The following PCDH15 variants were observed in gnomAD, a reference collection of about 807,000 sequenced individuals.
PCDH15 encodes the protein protocadherin-15.
PCDH15 carries 129 observed loss-of-function variants against 178.5 expected under a neutral mutation model. The observed-to-expected ratio is 0.72, with a 90% CI of 0.63 to 0.84. The LOEUF is 0.84. Among genes scored for constraint, PCDH15 ranks in the 40% least tolerant of loss-of-function variants. The pLI is 0.00. For synonymous variants in PCDH15, 800 were observed against 732.0 expected (o/e 1.09, Z -1.50); for missense variants, 2,230 against 2,099.9 (o/e 1.06, Z -1.21).
chr10:53,949,214 T>C (rs911969963), intron 23 of PCDH15, among the ~76,000 whole-genome samples: 2 of 152,172 alleles, frequency 1.3e-5, no homozygotes, highest in African/African-American at 4.8e-5. Context: ...CAGAATCATT[T>C]TGTCAATAGT....
chr10:54,074,884 T>C (rs1447706951), intron 17 of PCDH15, among the ~76,000 whole-genome samples: 1 of 152,150 alleles, frequency 6.6e-6, no homozygotes, highest in African/African-American at 2.4e-5. Flanking sequence ...TTGTTTTGTT[T>C]TCTGTTTGTT....
chr10:53,878,181 G>GCA (rs71004486), intron 26 of PCDH15, among the ~76,000 whole-genome samples: 6,482 of 124,814 alleles, frequency 0.052, 326 homozygotes, highest in African/African-American at 0.12. Context: ...CTATACTATG[G>GCA]CACACACACA....
intron 1 of PCDH15, among the ~76,000 whole-genome samples, chr10:54,724,560 TA>T (rs566567722): frequency 6.6e-6 from 1 of 151,546 alleles, no homozygotes; most frequent in South Asian, 2.1e-4. Context: ...AAATTAATAT[TA>T]GCTGTAGAGA....
intron 2 of PCDH15, among the ~76,000 whole-genome samples, chr10:55,429,648 G>T (rs1050395864): frequency 4.6e-5 from 7 of 152,116 alleles, no homozygotes; most frequent in African/African-American, 1.7e-4. Flanking sequence ...GCCTTTTACT[G>T]ATCAGAAGAA....
intron 8 of PCDH15, among the ~76,000 whole-genome samples, chr10:54,239,945 A>G (rs758871517): frequency 3.9e-5 from 6 of 152,148 alleles, no homozygotes; most frequent in Non-Finnish European, 8.8e-5. Context: ...TTATTAATAC[A>G]TGACATTAAA....
At chr10:54,164,311 C>T (rs1180247649) in intron 13 of PCDH15, among the ~76,000 whole-genome samples, 1 of 152,168 alleles carries the variant, frequency 6.6e-6, no homozygotes, top group Admixed American at 6.5e-5. Flanking sequence ...TGCCTCAGCT[C>T]TATCGTGTGA....
chr10:55,608,663 C>A (rs1231636210), intron 2 of PCDH15, among the ~76,000 whole-genome samples: 1 of 151,902 alleles, frequency 6.6e-6, no homozygotes, highest in African/African-American at 2.4e-5. Context: ...AGACTTTAAT[C>A]AGGTGCTGCA....
At chr10:53,969,415 C>T (rs1297544772) in intron 21 of PCDH15, among the ~76,000 whole-genome samples, 2 of 152,206 alleles carry the variant, frequency 1.3e-5, no homozygotes, top group Non-Finnish European at 2.9e-5. Context: ...GAGAATGGAA[C>T]CAAGTTGGAA....
chr10:54,675,316 T>G (rs535998132), intron 1 of PCDH15, among the ~76,000 whole-genome samples: 3 of 152,076 alleles, frequency 2.0e-5, no homozygotes, highest in African/African-American at 7.2e-5. Flanking sequence ...ATGGGGATTA[T>G]TTTAGGAATA....
intron 2 of PCDH15, among the ~76,000 whole-genome samples, chr10:55,597,519 C>A (rs1427578311): frequency 6.6e-6 from 1 of 152,092 alleles, no homozygotes; most frequent in Non-Finnish European, 1.5e-5. Context: ...TAAAAAATCC[C>A]AATATTCTCC....
At chr10:55,488,129 T>C (rs1213456198) in intron 2 of PCDH15, among the ~76,000 whole-genome samples, 1 of 151,588 alleles carries the variant, frequency 6.6e-6, no homozygotes, top group East Asian at 1.9e-4. Context: ...TACATTGTAA[T>C]TTTCTCCAAC....
At chr10:54,408,457 C>T (rs1196472165) in intron 3 of PCDH15, among the ~76,000 whole-genome samples, 5 of 151,408 alleles carry the variant, frequency 3.3e-5, no homozygotes, top group African/African-American at 1.2e-4. Context: ...TAATATTTAT[C>T]AGTCCAAAGT....
intron 2 of PCDH15, among the ~76,000 whole-genome samples, chr10:55,066,650 G>C (rs1316144414): frequency 1.4e-5 from 2 of 142,744 alleles, no homozygotes; most frequent in East Asian, 4.2e-4. Flanking sequence ...TTGAGTATTT[G>C]AGTTATGTTT....
intron 2 of PCDH15, among the ~76,000 whole-genome samples, chr10:54,642,651 G>A (rs1325124153): frequency 1.3e-5 from 2 of 152,112 alleles, no homozygotes; most frequent in Non-Finnish European, 2.9e-5. Context: ...TCTTACTAAA[G>A]ACATTATGAC....
intron 24 of PCDH15, 90 bp downstream of exon 24, chr10:53,940,776 G>C: frequency 1.1e-6 from 1 of 924,524 alleles, no homozygotes; most frequent in Non-Finnish European, 1.7e-6. Context: ...GAAAACAATA[G>C]AATAGATAAT....
At chr10:54,067,464 T>A (rs1590214218) in intron 17 of PCDH15, among the ~76,000 whole-genome samples, 2 of 152,164 alleles carry the variant, frequency 1.3e-5, no homozygotes, top group East Asian at 3.8e-4. Context: ...ACGGAAATGG[T>A]ATGCAGGTAA....
In PCDH15 at chr10:55,516,338, G is replaced by A. The variant is rs188601198; in HGVS notation, c.-156+111287C>T. On this transcript the variant is annotated intron_variant, in intron 2 of 5. Transcript: ENST00000613346. Reference sequence around the variant, plus strand: ...GCCTTTTGCCTTCTGCCATGATGGTGAGGCCTCCCAAGCCACGTGTAACTG... The same window carrying A: ...GCCTTTTGCCTTCTGCCATGATGGTAAGGCCTCCCAAGCCACGTGTAACTG... Among the ~76,000 whole-genome samples, 47 of 152,226 alleles carry A rather than the reference G, an allele frequency of 3.1e-4. No individual in the cohort carries two copies. In the East Asian group the frequency reaches 8.5e-3, roughly 28 times the overall value.
chr10:54,030,965 T>C (rs1407907282), intron 18 of PCDH15, among the ~76,000 whole-genome samples: 1 of 151,976 alleles, frequency 6.6e-6, no homozygotes, highest in Non-Finnish European at 1.5e-5. Context: ...AGGAGCAGGC[T>C]TCATTGGAAT....
At chr10:54,382,484 A>G (rs1949361585) in intron 3 of PCDH15, among the ~76,000 whole-genome samples, 1 of 152,158 alleles carries the variant, frequency 6.6e-6, no homozygotes, top group African/African-American at 2.4e-5. Flanking sequence ...ATACAAGAGG[A>G]TAGTGGGCAT....
Sources: gnomAD v4.1 joint callset for allele counts (sites outside exome capture counted in the v4.1 genomes callset) on GRCh38, gnomAD v4.1.1 for gene constraint, MANE v1.5 for transcripts, NCBI Gene and HGNC (gene_info 2026-07-23, HGNC 2026-07-21) for gene names.